AQP4: variants seen among roughly 807,000 people sequenced by gnomAD.
AQP4 encodes aquaporin 4, also known as aquaporin-4.
Under a neutral mutation model 27.8 loss-of-function variants are expected in AQP4, and 18 were observed. The observed-to-expected ratio is 0.65, with a 90% CI of 0.45 to 0.96. The LOEUF (loss-of-function observed/expected upper bound fraction) is 0.96. Ranked by LOEUF, AQP4 falls within the 40% of genes least tolerant of loss-of-function variation. The pLI, the probability that AQP4 is intolerant of heterozygous loss-of-function variation, is 0.00. For synonymous variants in AQP4, 141 were observed against 142.9 expected (o/e 0.99, Z 0.10); for missense variants, 412 against 408.2 (o/e 1.01, Z -0.08).
At chr18:26,862,128 A>G in intron 2 of AQP4, 54 bp downstream of exon 2, 1 of 1,595,430 alleles carries the variant, frequency 6.3e-7, no homozygotes, top group South Asian at 1.1e-5. Context: ...ATTATTTAGC[A>G]AAGAGTTTGC....
chr18:26,864,689 G>T (rs2055024314), intron 1 of AQP4, among the ~76,000 whole-genome samples: 1 of 152,286 alleles, frequency 6.6e-6, no homozygotes, highest in Admixed American at 6.5e-5. Flanking sequence ...GATGGCAAAG[G>T]GGGCAAAATG....
In AQP4 at chr18:26,856,222, A is replaced by T. The variant is rs534381952; in HGVS notation, c.961T>A (p.Ser321Thr). The T allele has an allele frequency of 6.2e-7, 1 of 1,614,232 alleles. No homozygotes were observed. The highest frequency in any genetic ancestry group is 1.7e-5 in the Admixed American group (1 of 60,030). Residue 321 changes from serine to threonine, a missense_variant, in exon 5 of 5, where the codon TCT becomes ACT. Ser to Thr is a moderately conservative substitution (Grantham distance 58). Transcript: ENST00000383168. ...KGKDQSGEVLSSV is the reference protein window; with the variant it reads ...KGKDQSGEVLTSV Reference sequence around the variant, plus strand: ...GTGCGATCTTCTAGTCATACTGAAGACAATACCTCTCCAGATTGGTCTTTC... The same window carrying T: ...GTGCGATCTTCTAGTCATACTGAAGTCAATACCTCTCCAGATTGGTCTTTC...
In AQP4 at chr18:26,860,839, C is replaced by T. The variant is rs760034094; in HGVS notation, c.626G>A (p.Gly209Asp). The T allele has an allele frequency of 6.2e-7, 1 of 1,613,880 alleles. No individual in the cohort carries two copies. Among genetic ancestry groups the T allele is most frequent in the Non-Finnish European group, 8.5e-7 (1 of 1,179,908 alleles). The change falls in exon 4 of 5, where the codon GGT becomes GAT. Residue 209 changes from glycine to aspartate, a missense_variant. By Grantham distance (94) the Gly-to-Asp change is moderately conservative. Transcript: ENST00000383168. Reference sequence around the variant, plus strand: ...GGATCGGGCGGGATTCATGCTGGCACCAGTATAATTGATCTATAGGAAACA... The same window carrying T: ...GGATCGGGCGGGATTCATGCTGGCATCAGTATAATTGATCTATAGGAAACA... Reference protein sequence around the residue: ...IGHLFAINYTGASMNPARSFG... With the variant: ...IGHLFAINYTDASMNPARSFG...
chr18:26,860,969 A>G, intron 3 of AQP4, 117 bp from the exon 4 acceptor site: 1 of 1,352,112 alleles, frequency 7.4e-7, no homozygotes, highest in South Asian at 1.2e-5. Flanking sequence ...ATTAGCAGCT[A>G]TATCAACATT....
intron 4 of AQP4, among the ~76,000 whole-genome samples, chr18:26,857,237 A>G (rs544835143): frequency 1.3e-5 from 2 of 152,112 alleles, no homozygotes; most frequent in Non-Finnish European, 2.9e-5. Flanking sequence ...TGCGGTTCTC[A>G]CGATGGCTTG....
In AQP4 at chr18:26,862,590, AC is replaced by A; in HGVS notation, c.38del (p.Cys13LeufsTer88). 1 of 1,613,942 alleles carries A rather than the reference AC, an allele frequency of 6.2e-7. No individual in the cohort carries two copies. The highest frequency in any genetic ancestry group is 8.5e-7 in the Non-Finnish European group (1 of 1,180,010). ...DRPTARRWGK[C>X]GPLCTRENIM... ...TGTTCTCTCTGGTACACAAAGGTCC[AC>A]ACTTACTGAAAAGAGAAACAAATCA... On this transcript the variant is annotated frameshift_variant, in exon 2 of 5. Transcript: ENST00000383168. LOFTEE classifies it high-confidence loss of function.
chr18:26,864,113 G>T (rs1216937175), intron 1 of AQP4, among the ~76,000 whole-genome samples: 2 of 152,098 alleles, frequency 1.3e-5, no homozygotes, highest in African/African-American at 4.8e-5. Flanking sequence ...GAATCTAATT[G>T]CAGAGGACCA....
intron 1 of AQP4, 135 bp downstream of exon 1, chr18:26,865,523 A>G: frequency 1.8e-6 from 2 of 1,095,450 alleles, no homozygotes; most frequent in Non-Finnish European, 2.8e-6. Context: ...CAGTACTCAG[A>G]TCTAAAAGAA....
At position 26,861,235 on chromosome 18, in the gene AQP4, A is replaced by G; in HGVS notation, c.508T>C (p.Leu170=). The change falls in exon 3 of 5, where the codon TTG becomes CTG. Residue 170 remains leucine, a synonymous_variant. Transcript: ENST00000383168. ...CAGCTGGCAAAGATAGTAAACACCA[A>G]TTGAAATGTGATTATCAACTCAACC... is the stretch of plus-strand genomic sequence containing the variant. ...LLVELIITFQ[L]VFTIFASCDS... 1.2e-6 allele frequency: 2 copies of G among 1,614,076 alleles called. No individual in the cohort carries two copies. Among genetic ancestry groups the G allele is most frequent in the South Asian group, 1.1e-5 (1 of 91,074 alleles).
rs1400555100 is a variant in AQP4, at chr18:26,853,035, T to G, written c.*3176A>C. On this transcript the variant is annotated 3_prime_UTR_variant, in exon 5 of 5. Transcript: ENST00000383168. Reference sequence around the variant, plus strand: ...TAAACCAATACATGTGTTGTCTGGTTTCATGGTCTGAGAACAGTATTCTGT... The same window carrying G: ...TAAACCAATACATGTGTTGTCTGGTGTCATGGTCTGAGAACAGTATTCTGT... 5.0e-6 allele frequency: 2 copies of G among 396,640 alleles called. No individual in the cohort carries two copies. The highest frequency in any genetic ancestry group is 8.9e-6 in the Non-Finnish European group (2 of 225,196). The allele number at this position is 396,640 out of a possible 1,614,324, so 24.6% of individuals were successfully genotyped here.
At position 26,862,027 on chromosome 18, in the gene AQP4, G is replaced by C. The variant is rs567831521; in HGVS notation, c.447+155C>G. 13 of 854,394 alleles carry C rather than the reference G, an allele frequency of 1.5e-5. No homozygotes were observed. In the South Asian group the frequency reaches 2.0e-4, roughly 13 times the overall value. 52.9% of individuals were successfully genotyped at this position (854,394 alleles called of 1,614,324 possible). A position where few individuals can be genotyped will look rare whatever the true frequency, so the allele number is the denominator to read the frequency against. Reference sequence around the variant, plus strand: ...TTTCTTACAGATATACCTAAATACTGCCAGAATCAGTTTTCACACTATTAA... The same window carrying C: ...TTTCTTACAGATATACCTAAATACTCCCAGAATCAGTTTTCACACTATTAA... On this transcript the variant is annotated intron_variant, in intron 2 of 4. Transcript: ENST00000383168.
At chr18:26,856,870 A>G (rs999302064) in intron 4 of AQP4, among the ~76,000 whole-genome samples, 5 of 152,136 alleles carry the variant, frequency 3.3e-5, no homozygotes, top group African/African-American at 1.2e-4. Context: ...TATTTTCTCA[A>G]TATTGCCATT....
chr18:26,864,375 G>A (rs1406918678), intron 1 of AQP4, among the ~76,000 whole-genome samples: 4 of 152,102 alleles, frequency 2.6e-5, no homozygotes, highest in African/African-American at 4.8e-5. Context: ...GCCCAGGCCC[G>A]GGTGGCAGGA....
At chr18:26,860,000 A>G (rs1343369031) in intron 4 of AQP4, among the ~76,000 whole-genome samples, 1 of 152,238 alleles carries the variant, frequency 6.6e-6, no homozygotes, top group South Asian at 2.1e-4. Context: ...CTGCTGCATT[A>G]CTTATTTAAT....
chr18:26,863,496 T>TGGAGGTGGGG (rs1302479050), intron 1 of AQP4, among the ~76,000 whole-genome samples: 6 of 151,924 alleles, frequency 3.9e-5, no homozygotes, highest in Non-Finnish European at 8.8e-5. Flanking sequence ...TCCTGGCCGC[T>TGGAGGTGGGG]GGAGGTGGGG....
chr18:26,865,374 C>A (rs780090819), intron 1 of AQP4: 1 of 539,232 alleles, frequency 1.9e-6, no homozygotes, highest in Non-Finnish European at 3.3e-6. Context: ...AGTAATTTTT[C>A]CGAAGAAATG....
intron 4 of AQP4, among the ~76,000 whole-genome samples, chr18:26,858,811 A>C (rs550351171): frequency 6.6e-6 from 1 of 152,222 alleles, no homozygotes; most frequent in South Asian, 2.1e-4. Flanking sequence ...AAATGAAGTC[A>C]TATGTACTTT....
At chr18:26,862,074 G>C in intron 2 of AQP4, 108 bp downstream of exon 2, 1 of 1,260,930 alleles carries the variant, frequency 7.9e-7, no homozygotes, top group Non-Finnish European at 1.2e-6. Flanking sequence ...AATTCCCTAG[G>C]AGTAAATTAG....
chr18:26,860,818 C>A lies in AQP4; in HGVS notation c.647G>T (p.Arg216Leu), dbSNP rs777406434. 1.2e-6 allele frequency: 2 copies of A among 1,613,996 alleles called. No individual in the cohort carries two copies. Among genetic ancestry groups the A allele is most frequent in the South Asian group, 1.1e-5 (1 of 91,072 alleles). ...NYTGASMNPA[R>L]SFGPAVIMGN... ...CATGATAACTGCAGGTCCAAAGGAT[C>A]GGGCGGGATTCATGCTGGCACCAGT... Residue 216 changes from arginine (R) to leucine (L), a missense_variant, in exon 4 of 5, where the codon CGA becomes CTA. Transcript: ENST00000383168.
Sources: allele counts gnomAD v4.1 joint callset (sites outside exome capture counted in the v4.1 genomes callset), GRCh38; gene constraint gnomAD v4.1.1; transcripts MANE v1.5; gene names NCBI Gene and HGNC (gene_info 2026-07-23, HGNC 2026-07-21).